Variants in MAGI1 observed in about 807,000 individuals in gnomAD.
MAGI1 encodes membrane-associated guanylate kinase, WW and PDZ domain-containing protein 1.
In MAGI1, 58 loss-of-function variants were observed where a neutral mutation model predicts 139.9. That is an observed-to-expected ratio of 0.41 (90% CI 0.34 to 0.52). MAGI1 has a LOEUF of 0.52. Among genes scored for constraint, MAGI1 ranks in the 20% least tolerant of loss-of-function variants. The pLI is 0.12. For synonymous variants in MAGI1, 812 were observed against 737.9 expected (o/e 1.10, Z -1.63); for missense variants, 1,874 against 1,901.6 (o/e 0.99, Z 0.27).
At chr3:65,478,887 TAA>T in intron 3 of MAGI1, 89 bp from the exon 4 acceptor site, 1 of 806,452 alleles carries the variant, frequency 1.2e-6, no homozygotes, top group Non-Finnish European at 1.9e-6. Context: ...CTAGGCACAT[TAA>T]AAAAAAAATT....
chr3:65,788,238 A>G (rs1204989765), intron 1 of MAGI1, among the ~76,000 whole-genome samples: 1 of 152,218 alleles, frequency 6.6e-6, no homozygotes, highest in East Asian at 1.9e-4. Flanking sequence ...ATGTTTTTCA[A>G]ATGCAGTTTG....
At chr3:65,998,028 G>A (rs769142240) in intron 1 of MAGI1, among the ~76,000 whole-genome samples, 13 of 151,446 alleles carry the variant, frequency 8.6e-5, no homozygotes, top group African/African-American at 2.7e-4. Flanking sequence ...GCTTGAACCC[G>A]GGAGGCAGAG....
At chr3:65,803,435 G>T (rs2040643981) in intron 1 of MAGI1, among the ~76,000 whole-genome samples, 1 of 151,972 alleles carries the variant, frequency 6.6e-6, no homozygotes, top group Non-Finnish European at 1.5e-5. Flanking sequence ...TTCCTAAAAG[G>T]AAATTTTAGA....
intron 1 of MAGI1, chr3:65,873,228 G>A (rs1346332482): frequency 6.6e-6 from 1 of 152,184 alleles, no homozygotes; most frequent in Non-Finnish European, 1.5e-5. Flanking sequence ...GTATGAGAAG[G>A]AGAAGGAGTA....
chr3:65,970,774 T>C (rs1357640964), intron 1 of MAGI1, among the ~76,000 whole-genome samples: 1 of 152,208 alleles, frequency 6.6e-6, no homozygotes, highest in Non-Finnish European at 1.5e-5. Context: ...AGCATGTTTA[T>C]AGCAAGAGTC....
intron 2 of MAGI1, chr3:65,597,795 C>T (rs771551845): frequency 1.8e-5 from 8 of 456,580 alleles, no homozygotes; most frequent in African/African-American, 1.6e-4. Context: ...GAGAGGAGAT[C>T]ATGGACCACT....
At chr3:65,663,077 G>A (rs1040669278) in intron 1 of MAGI1, among the ~76,000 whole-genome samples, 12 of 152,100 alleles carry the variant, frequency 7.9e-5, no homozygotes, top group Non-Finnish European at 1.8e-4. Flanking sequence ...CAATACATAT[G>A]TCCACGATGT....
intron 2 of MAGI1, among the ~76,000 whole-genome samples, chr3:65,549,978 T>C (rs909376055): frequency 3.9e-5 from 6 of 152,144 alleles, no homozygotes; most frequent in African/African-American, 1.4e-4. Flanking sequence ...AGCCAAAAAA[T>C]TCTCTTCTGG....
chr3:65,821,589 AG>A (rs2041954463), intron 1 of MAGI1, among the ~76,000 whole-genome samples: 1 of 152,228 alleles, frequency 6.6e-6, no homozygotes, highest in Non-Finnish European at 1.5e-5. Flanking sequence ...CAGAGGTCTA[AG>A]ATGTTACAAA....
At chr3:65,747,511 AT>A (rs35672846) in intron 1 of MAGI1, among the ~76,000 whole-genome samples, 39,532 of 152,126 alleles carry the variant, frequency 0.26, 6,411 homozygotes, top group East Asian at 0.43. Flanking sequence ...TATTATTGTA[AT>A]TTTTTTAAAT....
At chr3:65,959,600 T>TA (rs2064307681) in intron 1 of MAGI1, among the ~76,000 whole-genome samples, 2 of 138,986 alleles carry the variant, frequency 1.4e-5, no homozygotes, top group Admixed American at 7.5e-5. Flanking sequence ...ATCCCAGCAT[T>TA]TTTATTATTA....
chr3:65,720,801 G>A (rs949402967), intron 1 of MAGI1, among the ~76,000 whole-genome samples: 2 of 151,990 alleles, frequency 1.3e-5, no homozygotes, highest in Non-Finnish European at 2.9e-5. Flanking sequence ...CCAGGCTGGA[G>A]TGTAGTGGTA....
At chr3:65,860,500 A>G (rs2059520082) in intron 1 of MAGI1, among the ~76,000 whole-genome samples, 1 of 152,204 alleles carries the variant, frequency 6.6e-6, no homozygotes, top group African/African-American at 2.4e-5. Context: ...CGATCCGGGC[A>G]GCCCGCGCGT....
At chr3:65,682,143 A>C (rs996318276) in intron 1 of MAGI1, among the ~76,000 whole-genome samples, 3 of 152,062 alleles carry the variant, frequency 2.0e-5, no homozygotes, top group Admixed American at 6.5e-5. Context: ...TAAAACAAAA[A>C]CCCCTCTGGA....
At chr3:65,530,737 A>G (rs576840002) in intron 2 of MAGI1, among the ~76,000 whole-genome samples, 26 of 102,236 alleles carry the variant, frequency 2.5e-4, no homozygotes, top group African/African-American at 7.9e-4. Flanking sequence ...ACGTATATAT[A>G]TATGCACATA....
At chr3:65,425,119 A>AC (rs1377461354) in intron 12 of MAGI1, among the ~76,000 whole-genome samples, 3 of 53,300 alleles carry the variant, frequency 5.6e-5, no homozygotes, top group African/African-American at 2.3e-4. Context: ...AAAAAAAAAA[A>AC]AAAAAAAAAA....
At chr3:65,772,670 CATAAGG>C (rs2107951082) in intron 1 of MAGI1, among the ~76,000 whole-genome samples, 1 of 152,294 alleles carries the variant, frequency 6.6e-6, no homozygotes, top group East Asian at 1.9e-4. Flanking sequence ...AACGAGACAG[CATAAGG>C]ATAAGCTTCA....
intron 1 of MAGI1, among the ~76,000 whole-genome samples, chr3:65,706,089 A>AT (rs965304231): frequency 2.6e-5 from 4 of 151,772 alleles, no homozygotes; most frequent in South Asian, 2.1e-4. Context: ...TCTCCAATTA[A>AT]TTTTTTTTTC....
chr3:65,556,548 T>C (rs2080093722), intron 2 of MAGI1, among the ~76,000 whole-genome samples: 1 of 152,224 alleles, frequency 6.6e-6, no homozygotes, highest in South Asian at 2.1e-4. Flanking sequence ...TGAGAATTCA[T>C]CCTGGACAAC....
Sources: gnomAD v4.1 joint callset for allele counts (sites outside exome capture counted in the v4.1 genomes callset) on GRCh38, gnomAD v4.1.1 for gene constraint, MANE v1.5 for transcripts, NCBI Gene and HGNC (gene_info 2026-07-23, HGNC 2026-07-21) for gene names.